The following GPC5 variants were observed in gnomAD, a reference collection of about 807,000 sequenced individuals.
GPC5 encodes the protein glypican 5, also known as glypican-5.
In GPC5, 47 loss-of-function variants were observed where a neutral mutation model predicts 53.9. The ratio of observed to expected loss-of-function variants is 0.87; its 90% CI spans 0.69 to 1.11. The LOEUF is 1.11. GPC5 is among the 50% of genes most tolerant of loss of function. GPC5 has a pLI of 0.00. For missense variants in GPC5, 748 were observed against 713.1 expected, an observed-to-expected ratio of 1.05 and a Z score of -0.56; for synonymous variants, 286 against 263.3, an observed-to-expected ratio of 1.09 and a Z score of -0.84.
At chr13:92,475,231 C>A (rs1453296322) in intron 7 of GPC5, among the ~76,000 whole-genome samples, 11 of 149,542 alleles carry the variant, frequency 7.4e-5, no homozygotes, top group Non-Finnish European at 4.4e-5. Context: ...TTTTCCAATT[C>A]TGTGAAGAAA....
chr13:92,539,277 A>C (rs1288004590), intron 7 of GPC5, among the ~76,000 whole-genome samples: 5 of 151,706 alleles, frequency 3.3e-5, no homozygotes, highest in Non-Finnish European at 7.4e-5. Context: ...GCTAATTTAC[A>C]CTCCCACTAA....
At chr13:92,340,950 TA>T (rs2043361266) in intron 7 of GPC5, among the ~76,000 whole-genome samples, 1 of 152,180 alleles carries the variant, frequency 6.6e-6, no homozygotes, top group African/African-American at 2.4e-5. Flanking sequence ...CATAAACCAC[TA>T]AAGCAGCAAA....
intron 6 of GPC5, among the ~76,000 whole-genome samples, chr13:91,908,461 C>T (rs1231910915): frequency 6.6e-6 from 1 of 152,024 alleles, no homozygotes; most frequent in African/African-American, 2.4e-5. Context: ...TGCAGCATTT[C>T]AATATAAGTT....
intron 7 of GPC5, among the ~76,000 whole-genome samples, chr13:92,486,917 G>A (rs141639458): frequency 5.9e-4 from 89 of 151,808 alleles, no homozygotes; most frequent in East Asian, 1.6e-3. Context: ...GTGCAGAGGC[G>A]TTATCTCGGC....
At chr13:92,220,540 A>T (rs963336415) in intron 7 of GPC5, among the ~76,000 whole-genome samples, 24 of 152,224 alleles carry the variant, frequency 1.6e-4, no homozygotes, top group African/African-American at 5.8e-4. Flanking sequence ...CAAAGTGTAT[A>T]CTAGGATACT....
At chr13:91,614,397 G>A (rs1347557664) in intron 2 of GPC5, among the ~76,000 whole-genome samples, 2 of 152,028 alleles carry the variant, frequency 1.3e-5, no homozygotes, top group African/African-American at 2.4e-5. Flanking sequence ...GCATGATCTC[G>A]GTTCACCACA....
intron 2 of GPC5, among the ~76,000 whole-genome samples, chr13:91,467,016 C>A (rs1882283816): frequency 6.6e-6 from 1 of 152,110 alleles, no homozygotes; most frequent in Non-Finnish European, 1.5e-5. Context: ...GAACCGGGTC[C>A]TTGCTTTACA....
chr13:92,185,010 C>T (rs1000084110), intron 7 of GPC5, among the ~76,000 whole-genome samples: 2 of 152,120 alleles, frequency 1.3e-5, no homozygotes, highest in Non-Finnish European at 2.9e-5. Context: ...AATTTCATGT[C>T]AATTTTGCAA....
chr13:91,851,748 G>C (rs1194396933), intron 5 of GPC5, among the ~76,000 whole-genome samples: 3 of 140,952 alleles, frequency 2.1e-5, no homozygotes. Context: ...AGAATATGCG[G>C]TGTTTGGTTT....
intron 7 of GPC5, among the ~76,000 whole-genome samples, chr13:92,417,757 G>T (rs1876377155): frequency 6.6e-6 from 1 of 152,122 alleles, no homozygotes; most frequent in South Asian, 2.1e-4. Context: ...CTGATGTGGT[G>T]GCATGTGCCT....
chr13:91,683,760 C>T (rs989017027), intron 2 of GPC5, among the ~76,000 whole-genome samples: 6 of 152,196 alleles, frequency 3.9e-5, no homozygotes, highest in Non-Finnish European at 7.3e-5. Flanking sequence ...CCCATCCTGC[C>T]TGCTCAGTCA....
chr13:92,788,781 C>T (rs1876352519), intron 7 of GPC5, among the ~76,000 whole-genome samples: 1 of 152,160 alleles, frequency 6.6e-6, no homozygotes, highest in Admixed American at 6.6e-5. Context: ...CAGATAAAGT[C>T]ATCCTGCTTT....
At chr13:92,146,525 C>T (rs2041868455) in intron 7 of GPC5, among the ~76,000 whole-genome samples, 1 of 151,840 alleles carries the variant, frequency 6.6e-6, no homozygotes, top group Non-Finnish European at 1.5e-5. Flanking sequence ...TTTTTAATTT[C>T]CTTAGGTTTT....
At chr13:91,535,702 A>G (rs757716470) in intron 2 of GPC5, among the ~76,000 whole-genome samples, 20 of 152,142 alleles carry the variant, frequency 1.3e-4, no homozygotes, top group Admixed American at 3.9e-4. Context: ...GACGTGTCTC[A>G]CCTATTAGGG....
At chr13:91,998,937 AAGAT>A (rs1442712550) in intron 6 of GPC5, among the ~76,000 whole-genome samples, 12 of 152,334 alleles carry the variant, frequency 7.9e-5, no homozygotes, top group Admixed American at 5.9e-4. Context: ...GAATAGTTCA[AAGAT>A]AGATAAACAG....
chr13:92,781,951 C>T (rs981129543), intron 7 of GPC5, among the ~76,000 whole-genome samples: 2 of 151,992 alleles, frequency 1.3e-5, no homozygotes, highest in Admixed American at 6.6e-5. Context: ...AAGTTAATTT[C>T]CACACCAATT....
At position 92,095,701 on chromosome 13, in the gene GPC5, A is replaced by G. The variant is rs146575830; in HGVS notation, c.1402-49129A>G. ...AGGCGTGCGCCACCATGCCCGGCTA[A>G]TTTTGGCATTTTTAGTAGAGACGGG... On this transcript the variant is annotated intron_variant, in intron 6 of 7. Coordinates refer to ENST00000377067, the MANE Select transcript of GPC5 (RefSeq NM_004466.6). 4.3e-3 allele frequency among the ~76,000 whole-genome samples: 652 copies of G among 152,020 alleles called. 10 individuals carry two copies. Among genetic ancestry groups the G allele is most frequent in the African/African-American group, 0.015 (622 of 41,490 alleles).
intron 2 of GPC5, among the ~76,000 whole-genome samples, chr13:91,641,869 A>C (rs1329355489): frequency 6.6e-6 from 1 of 152,228 alleles, no homozygotes; most frequent in Non-Finnish European, 1.5e-5. Flanking sequence ...CATGGATCCC[A>C]TTGAAGAGAG....
chr13:92,548,559 T>G (rs2139012624), intron 7 of GPC5, among the ~76,000 whole-genome samples: 1 of 152,140 alleles, frequency 6.6e-6, no homozygotes, highest in Middle Eastern at 3.4e-3. Flanking sequence ...GCTTTAAAAA[T>G]TAATGATAAT....
Sources: allele counts gnomAD v4.1 joint callset (sites outside exome capture counted in the v4.1 genomes callset), GRCh38; gene constraint gnomAD v4.1.1; transcripts MANE v1.5; gene names NCBI Gene and HGNC (gene_info 2026-07-23, HGNC 2026-07-21).